The following CUBN variants were observed in gnomAD, a reference collection of about 807,000 sequenced individuals.
CUBN encodes the protein cubilin, also known as 460 kDa receptor.
CUBN carries 282 observed loss-of-function variants against 405.3 expected under a neutral mutation model. That is an observed-to-expected ratio of 0.70 (90% CI 0.63 to 0.77). CUBN has a LOEUF of 0.77. Ranked by LOEUF, CUBN falls within the 30% of genes least tolerant of loss-of-function variation. The pLI, the probability that CUBN is intolerant of heterozygous loss-of-function variation, is 0.00. For missense variants in CUBN, 4,514 were observed against 4,475.2 expected (o/e 1.01, Z -0.25); for synonymous variants, 1,684 against 1,617.0 (o/e 1.04, Z -0.99).
At position 16,840,364 on chromosome 10, in the gene CUBN, G is replaced by T. The variant is rs140637500; in HGVS notation, c.9998C>A (p.Thr3333Lys). Residue 3333 changes from threonine to lysine, a missense_variant, in exon 62 of 67, where the codon ACG becomes AAG. By Grantham distance (78) the Thr-to-Lys change is moderately conservative. Transcript: ENST00000377833. Reference protein sequence around the residue: ...WALQLTSQDCTQNYLQLQDSP... With the variant: ...WALQLTSQDCKQNYLQLQDSP... ...GTCCTGAAGCTGTAAGTAATTCTGC[G>T]TGCAGTCTTGCGAGGTCAGCTGTAA... 6.8e-6 allele frequency: 11 copies of T among 1,614,098 alleles called. No homozygotes were observed. The South Asian group carries it at 1.2e-4, about 18-fold the overall frequency.
intron 28 of CUBN, among the ~76,000 whole-genome samples, chr10:17,019,388 T>C (rs1588586901): frequency 6.6e-6 from 1 of 151,968 alleles, no homozygotes; most frequent in Non-Finnish European, 1.5e-5. Flanking sequence ...CCCTTCCTTT[T>C]CCCCATCCCT....
chr10:16,841,851 T>C (rs1183200806), intron 60 of CUBN, among the ~76,000 whole-genome samples: 6 of 140,332 alleles, frequency 4.3e-5, no homozygotes, highest in Non-Finnish European at 9.0e-5. Flanking sequence ...AGGTGGAGGT[T>C]ACAGTGAGCT....
Position 16,915,108 on chromosome 10 carries a change from A to T in CUBN, c.7275T>A (p.Thr2425=). The change falls in exon 47 of 67, where the codon ACT becomes ACA. Residue 2425 remains threonine (T), a synonymous_variant. Coordinates refer to ENST00000377833, the MANE Select transcript of CUBN (RefSeq NM_001081.4). ...IPDSIDTSSN[T]AVVRFVTDGS... ...CGTCTGTGACAAACCTGACCACAGC[A>T]GTATTGCTAGAAGTGTCTATGCTGT... 6.2e-7 allele frequency: 1 copy of T among 1,614,126 alleles called. No individual in the cohort carries two copies. Among genetic ancestry groups the T allele is most frequent in the Non-Finnish European group, 8.5e-7 (1 of 1,179,978 alleles).
chr10:17,075,327 G>C (rs950127025), intron 17 of CUBN, among the ~76,000 whole-genome samples: 2 of 151,796 alleles, frequency 1.3e-5, no homozygotes, highest in African/African-American at 4.8e-5. Context: ...GAGGTGATCT[G>C]CCTGCCTTGG....
At chr10:16,923,748 C>T (rs116369505) in intron 43 of CUBN, among the ~76,000 whole-genome samples, 2,612 of 152,234 alleles carry the variant, frequency 0.017, 81 homozygotes, top group African/African-American at 0.059. Context: ...TGAATTACCA[C>T]TAAATGTTGA....
At chr10:16,988,988 T>G (rs1333892648) in intron 29 of CUBN, among the ~76,000 whole-genome samples, 1 of 152,208 alleles carries the variant, frequency 6.6e-6, no homozygotes, top group Non-Finnish European at 1.5e-5. Flanking sequence ...TGTGCATTAT[T>G]ATGGTGTGAC....
At chr10:16,961,856 C>G (rs1489110615) in intron 31 of CUBN, among the ~76,000 whole-genome samples, 1 of 151,632 alleles carries the variant, frequency 6.6e-6, no homozygotes, top group African/African-American at 2.4e-5. Flanking sequence ...GGACTACAGG[C>G]GCCCGCCACT....
In CUBN at chr10:17,123,602, G is replaced by T. The variant is rs796882685; in HGVS notation, c.475C>A (p.Pro159Thr). 2 of 1,613,118 alleles carry T rather than the reference G, an allele frequency of 1.2e-6. No individual in the cohort carries two copies. The highest frequency in any genetic ancestry group is 1.7e-6 in the Non-Finnish European group (2 of 1,179,256). The change falls in exon 5 of 67, where the codon CCC becomes ACC. Residue 159 changes from proline to threonine, a missense_variant. Coordinates refer to ENST00000377833, the MANE Select transcript of CUBN (RefSeq NM_001081.4). ...NLHDSFFCIC[P>T]PQWKGPLCSA... Reference sequence around the variant, plus strand: ...AGATGACTCACCTTCCACTGTGGGGGACAGATACAAAAAAAGGAATCATGC... The same window carrying T: ...AGATGACTCACCTTCCACTGTGGGGTACAGATACAAAAAAAGGAATCATGC...
chr10:17,118,348 G>A (rs867197757), intron 6 of CUBN, among the ~76,000 whole-genome samples: 2 of 152,168 alleles, frequency 1.3e-5, no homozygotes, highest in African/African-American at 2.4e-5. Context: ...AGGTCTACCC[G>A]ACTCCTGCAC....
At chr10:17,001,338 A>T (rs1472281859) in intron 28 of CUBN, among the ~76,000 whole-genome samples, 1 of 152,112 alleles carries the variant, frequency 6.6e-6, no homozygotes, top group Non-Finnish European at 1.5e-5. Flanking sequence ...TTATTCCCTT[A>T]TTTGGCCCCG....
At position 17,129,138 on chromosome 10, in the gene CUBN, T is replaced by G; in HGVS notation, c.235A>C (p.Ser79Arg). ...GKIKLNDEDLSECLHQIQKNK... is the reference protein window; with the variant it reads ...GKIKLNDEDLRECLHQIQKNK... ...TGTATTACCTGATGTAAACACTCAC[T>G]GAGATCTTCATCATTTAATTTAATT... The change falls in exon 2 of 67, where the codon AGT (serine) becomes CGT (arginine). Residue 79 changes from serine (S) to arginine (R), a missense_variant. Coordinates refer to ENST00000377833, the MANE Select transcript of CUBN (RefSeq NM_001081.4). 9.3e-6 allele frequency: 15 copies of G among 1,612,206 alleles called. No homozygotes were observed. Among genetic ancestry groups the G allele is most frequent in the Non-Finnish European group, 1.3e-5 (15 of 1,178,270 alleles).
chr10:16,889,616 C>G (rs1420098974), intron 55 of CUBN, among the ~76,000 whole-genome samples: 1 of 152,050 alleles, frequency 6.6e-6, no homozygotes, highest in Non-Finnish European at 1.5e-5. Flanking sequence ...TTAAAACATG[C>G]AAGACCGGCC....
intron 59 of CUBN, 83 bp downstream of exon 59, chr10:16,869,551 TGG>T (rs1840286402): frequency 1.2e-6 from 1 of 817,688 alleles, no homozygotes; most frequent in East Asian, 2.8e-5. Context: ...CATAATCAGG[TGG>T]GGGTGGGGGG....
At chr10:17,000,904 G>A (rs1046031793) in intron 28 of CUBN, among the ~76,000 whole-genome samples, 1 of 152,228 alleles carries the variant, frequency 6.6e-6, no homozygotes, top group Non-Finnish European at 1.5e-5. Context: ...CTTCCGGTGG[G>A]TTCTTGGTCT....
rs73592391 is a variant in CUBN at position 16,904,208 on chromosome 10, T to C, written c.7913-93A>G. 3.8e-3 allele frequency: 4,368 copies of C among 1,163,348 alleles called. 103 individuals carry two copies. The African/African-American group carries it at 0.057, about 15-fold the overall frequency. 72.1% of individuals were successfully genotyped at this position (1,163,348 alleles called of 1,614,324 possible). On this transcript the variant is annotated intron_variant, in intron 50 of 66. Transcript: ENST00000377833. ...ATAAAAACAAATTTCAAGATATTCA[T>C]TGACACACACTTAAATTCTGATTTA...
intron 6 of CUBN, among the ~76,000 whole-genome samples, chr10:17,120,685 T>A (rs777620774): frequency 2.6e-5 from 4 of 152,228 alleles, no homozygotes; most frequent in Non-Finnish European, 1.5e-5. Flanking sequence ...TCTGACATGC[T>A]GCAGAGTGGT....
intron 28 of CUBN, among the ~76,000 whole-genome samples, chr10:17,011,513 T>C (rs1398722800): frequency 1.6e-5 from 2 of 128,054 alleles, no homozygotes; most frequent in Non-Finnish European, 3.5e-5. Context: ...CTCATAAAGG[T>C]AGTGTGAACC....
intron 48 of CUBN, among the ~76,000 whole-genome samples, chr10:16,909,061 A>G (rs28611039): frequency 0.013 from 1,966 of 147,942 alleles, 43 homozygotes; most frequent in African/African-American, 0.047. Flanking sequence ...TTTTTTTTGT[A>G]TTTTTAGTAG....
chr10:16,851,990 C>CTCCCTCCATCTT (rs1448116255), intron 59 of CUBN, among the ~76,000 whole-genome samples: 1 of 115,872 alleles, frequency 8.6e-6, no homozygotes, highest in Non-Finnish European at 1.8e-5. Flanking sequence ...CTATCTTTCC[C>CTCCCTCCATCTT]TCCCTCCCTC....
Sources: gnomAD v4.1 joint callset for allele counts (sites outside exome capture counted in the v4.1 genomes callset) on GRCh38, gnomAD v4.1.1 for gene constraint, MANE v1.5 for transcripts, NCBI Gene and HGNC (gene_info 2026-07-23, HGNC 2026-07-21) for gene names.